The following PTPRD variants were observed in gnomAD, a reference collection of about 807,000 sequenced individuals.
PTPRD encodes the protein receptor-type tyrosine-protein phosphatase delta.
In PTPRD, 34 loss-of-function variants were observed where a neutral mutation model predicts 214.5. The observed-to-expected ratio is 0.16, with a 90% confidence interval of 0.12 to 0.21. PTPRD has a LOEUF of 0.21. Ranked by LOEUF, PTPRD falls within the 10% of genes least tolerant of loss-of-function variation. The pLI, the probability that PTPRD is intolerant of heterozygous loss-of-function variation, is 1.00. For synonymous variants in PTPRD, 1,128 were observed against 845.7 expected (o/e 1.33, Z -5.79); for missense variants, 2,545 against 2,398.7 (o/e 1.06, Z -1.27).
At position 9,492,199 on chromosome 9, in the gene PTPRD, C is replaced by T. The variant is rs137899332; in HGVS notation, c.-237+82533G>A. The stretch of plus-strand genomic sequence containing the variant: ...CCTCCCAAGACTAAATCATGTAGAA[C>T]AGGAACATATGAATAGACCTATAAC... On this transcript the variant is annotated intron_variant, in intron 8 of 45. Coordinates refer to ENST00000381196, the MANE Select transcript of PTPRD (RefSeq NM_002839.4). Among the ~76,000 whole-genome samples the T allele has an allele frequency of 3.9e-3, 588 of 150,646 alleles. 1 individual carries two copies. Among genetic ancestry groups the T allele is most frequent in the African/African-American group, 0.013 (554 of 41,120 alleles).
At chr9:9,433,662 C>A (rs1052776495) in intron 8 of PTPRD, among the ~76,000 whole-genome samples, 4 of 152,092 alleles carry the variant, frequency 2.6e-5, no homozygotes, top group Admixed American at 1.3e-4. Flanking sequence ...AATGATACTT[C>A]ACAAAATAGA....
chr9:10,028,589 C>G (rs139414746), intron 4 of PTPRD, among the ~76,000 whole-genome samples: 4,317 of 152,188 alleles, frequency 0.028, 119 homozygotes, highest in Admixed American at 0.088. Flanking sequence ...TTGTTGGGAA[C>G]TGGAGCAAAG....
chr9:9,112,360 C>T (rs184883992), intron 10 of PTPRD, among the ~76,000 whole-genome samples: 140 of 152,210 alleles, frequency 9.2e-4, no homozygotes, highest in African/African-American at 3.1e-3. Flanking sequence ...TTAATTTTCC[C>T]CTCCTCTCCA....
intron 37 of PTPRD, among the ~76,000 whole-genome samples, chr9:8,386,586 G>A (rs1174063793): frequency 1.3e-5 from 2 of 152,112 alleles, no homozygotes; most frequent in Non-Finnish European, 2.9e-5. Context: ...TCCCTTCATA[G>A]GGCCAGGCTA....
At chr9:8,827,869 C>A (rs1186165280) in intron 11 of PTPRD, among the ~76,000 whole-genome samples, 1 of 152,042 alleles carries the variant, frequency 6.6e-6, no homozygotes, top group Non-Finnish European at 1.5e-5. Context: ...AAGAACAGGC[C>A]TGAAATCATG....
chr9:8,526,528 T>C, intron 17 of PTPRD, 99 bp downstream of exon 17: 2 of 1,065,578 alleles, frequency 1.9e-6, no homozygotes. Flanking sequence ...TTGATGGACA[T>C]TATTGGAATG....
intron 33 of PTPRD, chr9:8,454,438 A>G (rs554342868): frequency 1.4e-4 from 103 of 738,368 alleles, no homozygotes; most frequent in Non-Finnish European, 2.3e-4. Flanking sequence ...GTTACTGTGT[A>G]TATGTAGGCT....
At chr9:8,605,565 G>T (rs879777697) in intron 14 of PTPRD, among the ~76,000 whole-genome samples, 1 of 152,198 alleles carries the variant, frequency 6.6e-6, no homozygotes, top group Non-Finnish European at 1.5e-5. Flanking sequence ...TAGTTACTGT[G>T]AGTCTTTAGG....
intron 5 of PTPRD, among the ~76,000 whole-genome samples, chr9:9,889,653 A>C (rs562786344): frequency 6.6e-6 from 1 of 152,084 alleles, no homozygotes; most frequent in South Asian, 2.1e-4. Flanking sequence ...AAGTAGCTGG[A>C]CTCTAAATAT....
intron 2 of PTPRD, among the ~76,000 whole-genome samples, chr9:10,568,852 A>G (rs549878441): frequency 7.9e-5 from 12 of 152,330 alleles, no homozygotes; most frequent in African/African-American, 2.4e-4. Context: ...CATGCAGGAC[A>G]TACGCTTGGG....
At chr9:9,639,083 C>G (rs2095858242) in intron 7 of PTPRD, among the ~76,000 whole-genome samples, 1 of 152,172 alleles carries the variant, frequency 6.6e-6, no homozygotes, top group Admixed American at 6.5e-5. Flanking sequence ...CTAATTCAAA[C>G]CATAGCAAAT....
Position 8,636,819 on chromosome 9 carries a change from G to A in PTPRD, c.90C>T (p.Pro30=), listed in dbSNP as rs1030414220. Residue 30 remains proline, a synonymous_variant, in exon 13 of 46, where the codon CCC becomes CCT. Transcript: ENST00000381196. The part of the protein sequence containing the change: ...AETPPRFTRT[P]VDQTGVSGGV... ...CGCCAGAGACCCCTGTCTGATCAAC[G>A]GGTGTTCGTGTAAACCTTGGAGGTG... 3.1e-6 allele frequency: 5 copies of A among 1,613,712 alleles called. No homozygotes were observed. Among genetic ancestry groups the A allele is most frequent in the Non-Finnish European group, 4.2e-6 (5 of 1,179,792 alleles).
At chr9:9,146,252 G>T (rs2099868423) in intron 10 of PTPRD, among the ~76,000 whole-genome samples, 1 of 150,844 alleles carries the variant, frequency 6.6e-6, no homozygotes, top group Non-Finnish European at 1.5e-5. Flanking sequence ...AAGTAAATTT[G>T]TTATTTTTTT....
At chr9:8,589,997 G>A (rs140547213) in intron 14 of PTPRD, among the ~76,000 whole-genome samples, 6 of 152,182 alleles carry the variant, frequency 3.9e-5, no homozygotes, top group East Asian at 1.9e-4. Flanking sequence ...CTGAACCTCG[G>A]TAACAAAGAT....
intron 3 of PTPRD, among the ~76,000 whole-genome samples, chr9:10,322,745 T>C (rs2096574914): frequency 6.6e-6 from 1 of 152,036 alleles, no homozygotes; most frequent in Non-Finnish European, 1.5e-5. Flanking sequence ...GAGAGTTCAC[T>C]TAGCAGAGAG....
At chr9:8,893,640 T>G (rs1332007750) in intron 11 of PTPRD, among the ~76,000 whole-genome samples, 1 of 152,206 alleles carries the variant, frequency 6.6e-6, no homozygotes, top group Non-Finnish European at 1.5e-5. Context: ...GTGGTAAAGA[T>G]GCAATCATAC....
intron 11 of PTPRD, among the ~76,000 whole-genome samples, chr9:8,750,521 T>A (rs1424291456): frequency 6.6e-6 from 1 of 151,498 alleles, no homozygotes; most frequent in African/African-American, 2.4e-5. Flanking sequence ...TTAACAGGGG[T>A]AGAAAAATAA....
intron 2 of PTPRD, among the ~76,000 whole-genome samples, chr9:10,555,314 G>T (rs2062287743): frequency 1.3e-5 from 2 of 152,104 alleles, no homozygotes; most frequent in Admixed American, 6.6e-5. Flanking sequence ...TTAGTTACAG[G>T]TACAACAAAT....
At chr9:8,833,957 T>C (rs1408917055) in intron 11 of PTPRD, among the ~76,000 whole-genome samples, 2 of 135,244 alleles carry the variant, frequency 1.5e-5, no homozygotes, top group Non-Finnish European at 3.4e-5. Flanking sequence ...TTCAGATTTT[T>C]AAAAATTCAC....
Sources: gnomAD v4.1 joint callset for allele counts (sites outside exome capture counted in the v4.1 genomes callset) on GRCh38, gnomAD v4.1.1 for gene constraint, MANE v1.5 for transcripts, NCBI Gene and HGNC (gene_info 2026-07-23, HGNC 2026-07-21) for gene names.